Variants in CNTN1 observed in about 807,000 individuals in gnomAD.
CNTN1 encodes contactin-1.
In CNTN1, 38 loss-of-function variants were observed where a neutral mutation model predicts 126.4. The ratio of observed to expected loss-of-function variants is 0.30; its 90% CI spans 0.23 to 0.39. CNTN1 has a LOEUF of 0.39. CNTN1 is among the 10% of genes least tolerant of loss of function. The pLI is 1.00. For missense variants in CNTN1, 1,009 were observed against 1,248.4 expected (o/e 0.81, Z 2.89); for synonymous variants, 413 against 422.6 (o/e 0.98, Z 0.28).
chr12:41,013,230 G>T (rs779556486), intron 17 of CNTN1, among the ~76,000 whole-genome samples: 3 of 152,068 alleles, frequency 2.0e-5, no homozygotes, highest in Non-Finnish European at 4.4e-5. Context: ...GTGACATCTT[G>T]TCTGCTTCTT....
Position 41,043,215 on chromosome 12 carries a change from C to T in CNTN1, c.2980+13996C>T, listed in dbSNP as rs542208065. On this transcript the variant is annotated intron_variant, in intron 23 of 23. Transcript: ENST00000551295. ...AACTACCATCAGAGTGAACAGGCAACCTACAAAATGGGAGAAAATTTTTGC... is the reference window on the plus strand; with the variant it reads ...AACTACCATCAGAGTGAACAGGCAATCTACAAAATGGGAGAAAATTTTTGC... 4.5e-4 allele frequency among the ~76,000 whole-genome samples: 69 copies of T among 152,014 alleles called. 2 individuals carry two copies. In the East Asian group the frequency reaches 8.7e-3, roughly 19 times the overall value.
chr12:40,949,640 G>A (rs11610039), intron 14 of CNTN1, among the ~76,000 whole-genome samples: 1 of 125,526 alleles, frequency 8.0e-6, no homozygotes, highest in Non-Finnish European at 1.6e-5. Context: ...GTGCAATGAC[G>A]CAATCTCGGC....
At position 40,755,190 on chromosome 12, in the gene CNTN1, C is replaced by CAAAAAAAAAAAAAAAAA. The variant is rs557970110; in HGVS notation, c.-77+62618_-77+62634dup. ...AGGGCAACAGAGTGAGACCCCACCT[C>CAAAAAAAAAAAAAAAAA]AAAAAAAAAAAAAAAAAAAAAAAAA... On this transcript the variant is annotated intron_variant, in intron 1 of 23. Coordinates refer to ENST00000551295, the MANE Select transcript of CNTN1 (RefSeq NM_001843.4). Among the ~76,000 whole-genome samples the CAAAAAAAAAAAAAAAAA allele has an allele frequency of 1.3e-4, 10 of 78,200 alleles. 1 individual carries two copies. Among genetic ancestry groups the CAAAAAAAAAAAAAAAAA allele is most frequent in the African/African-American group, 1.7e-4 (3 of 18,050 alleles). The allele number at this position is 78,200 out of a possible 152,430, so 51.3% of individuals were successfully genotyped here. A position where few individuals can be genotyped will look rare whatever the true frequency, so the allele number is the denominator to read the frequency against.
At chr12:40,820,352 G>A (rs1260052734) in intron 1 of CNTN1, among the ~76,000 whole-genome samples, 1 of 152,198 alleles carries the variant, frequency 6.6e-6, no homozygotes, top group Non-Finnish European at 1.5e-5. Flanking sequence ...TTCAATGTAA[G>A]GTTCAGAGGG....
At chr12:40,785,149 GTAT>G (rs770389762) in intron 1 of CNTN1, among the ~76,000 whole-genome samples, 1 of 152,128 alleles carries the variant, frequency 6.6e-6, no homozygotes, top group Non-Finnish European at 1.5e-5. Context: ...AAACTATTTA[GTAT>G]TATATTAATT....
At chr12:40,815,700 G>A (rs1941233586) in intron 1 of CNTN1, among the ~76,000 whole-genome samples, 1 of 152,102 alleles carries the variant, frequency 6.6e-6, no homozygotes, top group South Asian at 2.1e-4. Context: ...AATAGGAATG[G>A]TGAGAAAGGG....
At chr12:41,064,173 C>CA (rs35620860) in intron 23 of CNTN1, among the ~76,000 whole-genome samples, 2,871 of 111,576 alleles carry the variant, frequency 0.026, 47 homozygotes, top group East Asian at 0.042. Flanking sequence ...GACTCCATCT[C>CA]AAAAAAAAAA....
At chr12:40,883,335 G>C (rs566040148) in intron 1 of CNTN1, among the ~76,000 whole-genome samples, 1 of 151,552 alleles carries the variant, frequency 6.6e-6, no homozygotes, top group Non-Finnish European at 1.5e-5. Context: ...CCACATTCTT[G>C]TCAATTAAAA....
chr12:41,030,227 T>A (rs1023086110), intron 23 of CNTN1, among the ~76,000 whole-genome samples: 1 of 151,962 alleles, frequency 6.6e-6, no homozygotes, highest in South Asian at 2.1e-4. Flanking sequence ...GATTTTGATA[T>A]AAAGAAATAA....
chr12:40,745,104 T>G (rs983812126), intron 1 of CNTN1, among the ~76,000 whole-genome samples: 7 of 152,126 alleles, frequency 4.6e-5, no homozygotes, highest in African/African-American at 1.7e-4. Context: ...CAAATTTCCT[T>G]GACTATTTCC....
At chr12:40,963,686 G>C (rs1369731373) in intron 15 of CNTN1, among the ~76,000 whole-genome samples, 2 of 151,926 alleles carry the variant, frequency 1.3e-5, no homozygotes, top group African/African-American at 2.4e-5. Flanking sequence ...TAGGCTTCTG[G>C]TATAAAAGTC....
At chr12:40,882,220 A>T (rs762236476) in intron 1 of CNTN1, among the ~76,000 whole-genome samples, 11 of 151,794 alleles carry the variant, frequency 7.2e-5, no homozygotes, top group Non-Finnish European at 1.5e-4. Flanking sequence ...AGGTAGGCAT[A>T]TGGAATGATA....
At chr12:40,741,339 G>GT (rs1173065395) in intron 1 of CNTN1, among the ~76,000 whole-genome samples, 1 of 151,906 alleles carries the variant, frequency 6.6e-6, no homozygotes, top group Non-Finnish European at 1.5e-5. Flanking sequence ...ACCATAATCC[G>GT]TATTTCTTCA....
intron 12 of CNTN1, 91 bp downstream of exon 12, chr12:40,939,576 T>G: frequency 6.8e-7 from 1 of 1,464,346 alleles, no homozygotes; most frequent in Non-Finnish European, 9.3e-7. Context: ...AATGAAAATG[T>G]TTTTTGCTCT....
At chr12:40,924,766 G>A in intron 6 of CNTN1, 114 bp downstream of exon 6, 1 of 688,820 alleles carries the variant, frequency 1.5e-6, no homozygotes, top group South Asian at 1.5e-5. Flanking sequence ...TTAATTAAAT[G>A]AGACTGAATA....
intron 1 of CNTN1, among the ~76,000 whole-genome samples, chr12:40,828,848 A>G (rs1941708651): frequency 6.6e-6 from 1 of 152,162 alleles, no homozygotes; most frequent in Non-Finnish European, 1.5e-5. Flanking sequence ...TTGCTGTCAA[A>G]CAAACCATTT....
At chr12:41,054,750 G>A (rs989000848) in intron 23 of CNTN1, among the ~76,000 whole-genome samples, 2 of 152,056 alleles carry the variant, frequency 1.3e-5, no homozygotes, top group African/African-American at 4.8e-5. Flanking sequence ...GTACTTGAAT[G>A]TACTTATGTG....
chr12:40,861,390 T>TA (rs1029729420), intron 1 of CNTN1, among the ~76,000 whole-genome samples: 3 of 151,582 alleles, frequency 2.0e-5, no homozygotes, highest in East Asian at 1.9e-4. Context: ...TTTGCCTGTT[T>TA]AAAAAAAAAG....
At chr12:41,012,850 G>A (rs1468634829) in intron 17 of CNTN1, among the ~76,000 whole-genome samples, 1 of 152,144 alleles carries the variant, frequency 6.6e-6, no homozygotes, top group Admixed American at 6.5e-5. Context: ...TTGTACGCTG[G>A]TATCATGGAT....
Sources: gnomAD v4.1 joint callset for allele counts (sites outside exome capture counted in the v4.1 genomes callset) on GRCh38, gnomAD v4.1.1 for gene constraint, MANE v1.5 for transcripts, NCBI Gene and HGNC (gene_info 2026-07-23, HGNC 2026-07-21) for gene names.